Variants in PARD3 observed in about 807,000 individuals in gnomAD.
The protein encoded by PARD3 is par-3 family cell polarity regulator, also known as partitioning defective 3 homolog.
PARD3 carries 75 observed loss-of-function variants against 155.4 expected under a neutral mutation model. The observed-to-expected ratio is 0.48, with a 90% CI of 0.40 to 0.58. The LOEUF (loss-of-function observed/expected upper bound fraction) is 0.58, where lower values mean the gene tolerates loss of function less well. PARD3 is among the 20% of genes least tolerant of loss of function. PARD3 has a pLI of 0.00. For synonymous variants in PARD3, 576 were observed against 610.5 expected (o/e 0.94, Z 0.83); for missense variants, 1,642 against 1,721.7 (o/e 0.95, Z 0.82).
chr10:34,593,081 C>T (rs1421486388), intron 2 of PARD3, among the ~76,000 whole-genome samples: 1 of 152,144 alleles, frequency 6.6e-6, no homozygotes, highest in Non-Finnish European at 1.5e-5. Flanking sequence ...GAGAAAGACA[C>T]AAGTACGCCA....
chr10:34,642,955 A>G (rs958813819), intron 2 of PARD3, among the ~76,000 whole-genome samples: 3 of 152,162 alleles, frequency 2.0e-5, no homozygotes, highest in Admixed American at 2.0e-4. Context: ...TCATATGCCC[A>G]GAAGGGCCTT....
At position 34,119,710 on chromosome 10, in the gene PARD3, G is replaced by T; in HGVS notation, c.3571C>A (p.Arg1191=). The change falls in exon 24 of 25, where the codon CGA becomes AGA. Residue 1191 remains arginine, a synonymous_variant. Transcript: ENST00000374788. The part of the protein sequence containing the change: ...PNARPATQSG[R]HSVSVEVQMQ... ...TGCACCTCCACGGACACCGAGTGTC[G>T]CCCGCTCTGCGTCGCCGGCCGTGCG... 6.2e-7 allele frequency: 1 copy of T among 1,612,560 alleles called. No individual in the cohort carries two copies. The highest frequency in any genetic ancestry group is 8.5e-7 in the Non-Finnish European group (1 of 1,179,326).
At position 34,111,234 on chromosome 10, in the gene PARD3, G is replaced by A; in HGVS notation, c.3997C>T (p.Pro1333Ser). 1 of 1,611,050 alleles carries A rather than the reference G, an allele frequency of 6.2e-7. No homozygotes were observed. The highest frequency in any genetic ancestry group is 1.3e-5 in the African/African-American group (1 of 75,022). Residue 1333 changes from proline (P) to serine (S), a missense_variant, in exon 25 of 25, where the codon CCT becomes TCT. By Grantham distance (74) the Pro-to-Ser change is moderately conservative. Transcript: ENST00000374788. ...CTGTTCAGCCTCGCAACCTGAGAAGGGGAGGGGGGCACATCTTGCCGGAAG... is the reference window on the plus strand; with the variant it reads ...CTGTTCAGCCTCGCAACCTGAGAAGAGGAGGGGGGCACATCTTGCCGGAAG... ...GPFRQDVPPS[P>S]SQVARLNRLQ...
chr10:34,353,142 C>T (rs1247368125), intron 14 of PARD3, among the ~76,000 whole-genome samples: 3 of 151,990 alleles, frequency 2.0e-5, no homozygotes, highest in Admixed American at 2.0e-4. Flanking sequence ...GGGGCAGCCC[C>T]CGCCCGGCCA....
chr10:34,693,080 A>T (rs1197169073), intron 2 of PARD3, among the ~76,000 whole-genome samples: 1 of 152,224 alleles, frequency 6.6e-6, no homozygotes, highest in African/African-American at 2.4e-5. Context: ...CGAAGAAAAA[A>T]ATTAAAAGTC....
At chr10:34,375,129 C>T in intron 10 of PARD3, 127 bp from the exon 11 acceptor site, 1 of 701,476 alleles carries the variant, frequency 1.4e-6, no homozygotes, top group South Asian at 1.9e-5. Flanking sequence ...TGGAACATAA[C>T]TCATTTCATG....
chr10:34,302,502 T>A (rs1263095323), intron 20 of PARD3, among the ~76,000 whole-genome samples: 3 of 152,178 alleles, frequency 2.0e-5, no homozygotes, highest in Non-Finnish European at 2.9e-5. Flanking sequence ...ACAGCTGGGA[T>A]TTGAACTCAG....
intron 21 of PARD3, among the ~76,000 whole-genome samples, chr10:34,276,954 G>GA (rs985065612): frequency 6.6e-6 from 1 of 152,044 alleles, no homozygotes; most frequent in Non-Finnish European, 1.5e-5. Context: ...TAGTTTAACA[G>GA]AAAAAATGTT....
intron 7 of PARD3, among the ~76,000 whole-genome samples, chr10:34,395,555 C>T (rs375034688): frequency 9.1e-6 from 1 of 109,334 alleles, no homozygotes; most frequent in Non-Finnish European, 1.8e-5. Context: ...AAAACATCAT[C>T]GGCCGGGCGC....
chr10:34,552,527 G>C (rs1427051090), intron 2 of PARD3, among the ~76,000 whole-genome samples: 5 of 152,168 alleles, frequency 3.3e-5, no homozygotes, highest in African/African-American at 1.2e-4. Context: ...GGTCAACATG[G>C]TGAAACACCA....
chr10:34,309,052 A>G (rs1361679609), intron 20 of PARD3, among the ~76,000 whole-genome samples: 1 of 152,194 alleles, frequency 6.6e-6, no homozygotes, highest in Non-Finnish European at 1.5e-5. Flanking sequence ...GACCTGGACG[A>G]GAACAGGATT....
At chr10:34,730,085 C>CA (rs1192062335) in intron 1 of PARD3, among the ~76,000 whole-genome samples, 1 of 152,098 alleles carries the variant, frequency 6.6e-6, no homozygotes, top group Non-Finnish European at 1.5e-5. Flanking sequence ...AATAATGTCT[C>CA]AGGGCTATAT....
intron 20 of PARD3, among the ~76,000 whole-genome samples, chr10:34,311,253 T>A (rs1049227913): frequency 2.6e-5 from 4 of 152,032 alleles, no homozygotes; most frequent in African/African-American, 9.7e-5. Context: ...AAGACTTCAG[T>A]TATTTATTTT....
intron 2 of PARD3, among the ~76,000 whole-genome samples, chr10:34,627,888 G>T (rs1351684414): frequency 2.6e-5 from 4 of 152,228 alleles, no homozygotes; most frequent in Non-Finnish European, 5.9e-5. Flanking sequence ...AGGAAGAAAT[G>T]ATGGGCAGAG....
intron 5 of PARD3, among the ~76,000 whole-genome samples, chr10:34,431,484 G>C (rs904318374): frequency 6.6e-6 from 1 of 152,166 alleles, no homozygotes; most frequent in Non-Finnish European, 1.5e-5. Flanking sequence ...GCTCACGCCT[G>C]TAATCCCAGC....
At chr10:34,485,344 A>C (rs1306057071) in intron 3 of PARD3, among the ~76,000 whole-genome samples, 1 of 152,112 alleles carries the variant, frequency 6.6e-6, no homozygotes, top group Non-Finnish European at 1.5e-5. Flanking sequence ...TCTCAAAAAA[A>C]AAAAAAAGTT....
At chr10:34,359,388 T>C (rs1348983908) in intron 13 of PARD3, 71 bp from the exon 14 acceptor site, 1 of 1,127,364 alleles carries the variant, frequency 8.9e-7, no homozygotes, top group Non-Finnish European at 1.3e-6. Flanking sequence ...TTTCCTTTAG[T>C]TAATAAATAA....
intron 2 of PARD3, among the ~76,000 whole-genome samples, chr10:34,535,921 C>T (rs2083195219): frequency 6.6e-6 from 1 of 152,030 alleles, no homozygotes; most frequent in Non-Finnish European, 1.5e-5. Context: ...CCTTCAAAGA[C>T]AGTAAACTTA....
At chr10:34,529,123 G>T (rs1201466762) in intron 2 of PARD3, among the ~76,000 whole-genome samples, 2 of 152,148 alleles carry the variant, frequency 1.3e-5, no homozygotes, top group Non-Finnish European at 2.9e-5. Flanking sequence ...AACTGGAGAT[G>T]GGAGTCCATG....
Sources: allele counts gnomAD v4.1 joint callset (sites outside exome capture counted in the v4.1 genomes callset), GRCh38; gene constraint gnomAD v4.1.1; transcripts MANE v1.5; gene names NCBI Gene and HGNC (gene_info 2026-07-23, HGNC 2026-07-21).